Variants in RIMS2 observed in about 807,000 individuals in gnomAD.
The protein encoded by RIMS2 is regulating synaptic membrane exocytosis 2.
RIMS2 carries 59 observed loss-of-function variants against 174.4 expected under a neutral mutation model. The ratio of observed to expected loss-of-function variants is 0.34; its 90% CI spans 0.27 to 0.42. The LOEUF (loss-of-function observed/expected upper bound fraction) is 0.42, where lower values mean the gene tolerates loss of function less well. Ranked by LOEUF, RIMS2 falls within the 10% of genes least tolerant of loss-of-function variation. RIMS2 has a pLI of 1.00. For missense variants in RIMS2, 1,620 were observed against 1,666.3 expected, an observed-to-expected ratio of 0.97 and a Z score of 0.48; for synonymous variants, 606 against 572.5, an observed-to-expected ratio of 1.06 and a Z score of -0.84.
intron 4 of RIMS2, among the ~76,000 whole-genome samples, chr8:103,889,918 G>A (rs2154521176): frequency 1.3e-5 from 2 of 151,936 alleles, no homozygotes; most frequent in South Asian, 4.2e-4. Flanking sequence ...GAGTAAAAGA[G>A]GATGATCAAA....
chr8:103,915,941 TTATCTCTTTGTTA>T (rs1198641094), intron 7 of RIMS2, among the ~76,000 whole-genome samples: 2 of 151,976 alleles, frequency 1.3e-5, no homozygotes, highest in Non-Finnish European at 2.9e-5. Flanking sequence ...GTGTCACCCC[TTATCTCTTTGTTA>T]ATGGATACTG....
chr8:104,012,914 T>G (rs1413698937), intron 17 of RIMS2, among the ~76,000 whole-genome samples: 2 of 152,202 alleles, frequency 1.3e-5, no homozygotes, highest in African/African-American at 4.8e-5. Context: ...GGATCAGGTT[T>G]AAATATGGCT....
intron 1 of RIMS2, among the ~76,000 whole-genome samples, chr8:103,647,940 G>T: frequency 7.9e-6 from 1 of 126,364 alleles, no homozygotes; most frequent in Non-Finnish European, 1.7e-5. Flanking sequence ...GTTCAGTTTT[G>T]ATCTTGGTTA....
intron 3 of RIMS2, among the ~76,000 whole-genome samples, chr8:103,852,725 A>G (rs898361714): frequency 1.3e-5 from 2 of 152,062 alleles, no homozygotes; most frequent in African/African-American, 4.8e-5. Context: ...TGTTGCTGCA[A>G]AGGACATGAT....
chr8:103,974,060 A>G (rs1354060909), intron 15 of RIMS2, among the ~76,000 whole-genome samples: 2 of 152,170 alleles, frequency 1.3e-5, no homozygotes, highest in Non-Finnish European at 2.9e-5. Flanking sequence ...ACCCTGGGCA[A>G]TTGTTCATGT....
chr8:103,644,737 G>C (rs2096292305), intron 1 of RIMS2, among the ~76,000 whole-genome samples: 2 of 151,080 alleles, frequency 1.3e-5, no homozygotes, highest in South Asian at 4.2e-4. Flanking sequence ...TATTTTGTTT[G>C]GGAGGATGAT....
chr8:103,852,003 G>A (rs1300700112), intron 3 of RIMS2, among the ~76,000 whole-genome samples: 2 of 151,858 alleles, frequency 1.3e-5, no homozygotes, highest in Non-Finnish European at 2.9e-5. Flanking sequence ...TGGGCATTTA[G>A]ACCAATCCTC....
At chr8:104,175,833 A>C (rs1185280486) in intron 19 of RIMS2, among the ~76,000 whole-genome samples, 1 of 152,206 alleles carries the variant, frequency 6.6e-6, no homozygotes, top group Non-Finnish European at 1.5e-5. Flanking sequence ...CTAAAGATGC[A>C]GGTTGTCACA....
intron 2 of RIMS2, among the ~76,000 whole-genome samples, chr8:103,724,109 G>A (rs140772078): frequency 9.2e-5 from 14 of 151,522 alleles, no homozygotes; most frequent in Non-Finnish European, 1.8e-4. Flanking sequence ...GGGATGTGAG[G>A]GAGGGGTGAT....
intron 1 of RIMS2, among the ~76,000 whole-genome samples, chr8:103,647,083 A>G (rs1435423034): frequency 6.6e-6 from 1 of 152,178 alleles, no homozygotes; most frequent in Non-Finnish European, 1.5e-5. Flanking sequence ...ATCTAATGAG[A>G]CAAATTATGC....
intron 2 of RIMS2, among the ~76,000 whole-genome samples, chr8:103,717,516 C>T (rs2097386932): frequency 6.6e-6 from 1 of 152,152 alleles, no homozygotes; most frequent in Non-Finnish European, 1.5e-5. Flanking sequence ...CCTTTAGAAT[C>T]TCTGGTGCTA....
At chr8:103,752,576 T>C (rs2097908408) in intron 2 of RIMS2, among the ~76,000 whole-genome samples, 2 of 152,202 alleles carry the variant, frequency 1.3e-5, no homozygotes, top group African/African-American at 4.8e-5. Flanking sequence ...CATGGAATGT[T>C]CTTCCATTTG....
intron 19 of RIMS2, among the ~76,000 whole-genome samples, chr8:104,160,773 T>C (rs959282903): frequency 2.6e-5 from 4 of 152,230 alleles, no homozygotes; most frequent in Non-Finnish European, 5.9e-5. Context: ...ATGAAAGACA[T>C]AACTTGACAA....
At chr8:103,927,312 T>G (rs556499318) in intron 10 of RIMS2, among the ~76,000 whole-genome samples, 1 of 151,676 alleles carries the variant, frequency 6.6e-6, no homozygotes, top group South Asian at 2.1e-4. Flanking sequence ...TTAATGTGTT[T>G]ATTCTTTTAA....
intron 1 of RIMS2, among the ~76,000 whole-genome samples, chr8:103,581,933 T>G (rs1301044566): frequency 6.6e-6 from 1 of 152,184 alleles, no homozygotes; most frequent in South Asian, 2.1e-4. Context: ...GCATGCAACA[T>G]ACTGAGACAC....
chr8:104,108,343 A>G (rs2098116714), intron 19 of RIMS2, among the ~76,000 whole-genome samples: 2 of 152,010 alleles, frequency 1.3e-5, no homozygotes, highest in Admixed American at 1.3e-4. Context: ...TGCATGCCAT[A>G]TGATATGGCA....
At chr8:103,516,420 T>G (rs1397692715) in intron 1 of RIMS2, among the ~76,000 whole-genome samples, 3 of 152,110 alleles carry the variant, frequency 2.0e-5, no homozygotes, top group Non-Finnish European at 2.9e-5. Flanking sequence ...CTGAACTTAT[T>G]TAATTAAATT....
intron 19 of RIMS2, among the ~76,000 whole-genome samples, chr8:104,145,851 A>C (rs1599882208): frequency 6.6e-6 from 1 of 151,752 alleles, no homozygotes; most frequent in African/African-American, 2.4e-5. Flanking sequence ...ACAAGAGCGA[A>C]ACTCCATCTC....
At chr8:103,975,165 T>C (rs1369134524) in intron 15 of RIMS2, among the ~76,000 whole-genome samples, 185 bp from the exon 18 acceptor site, 5 of 152,164 alleles carry the variant, frequency 3.3e-5, no homozygotes, top group Non-Finnish European at 7.3e-5. Flanking sequence ...TATCTGTCAT[T>C]CCTTTTTAAT....
Sources: allele counts gnomAD v4.1 joint callset (sites outside exome capture counted in the v4.1 genomes callset), GRCh38; gene constraint gnomAD v4.1.1; transcripts MANE v1.5; gene names NCBI Gene and HGNC (gene_info 2026-07-23, HGNC 2026-07-21).